AHCYL2: variants seen among roughly 807,000 people sequenced by gnomAD.
AHCYL2 encodes the protein adenosylhomocysteinase like 2.
A neutral mutation model predicts 81.4 loss-of-function variants in AHCYL2; 28 were observed. That is an observed-to-expected ratio of 0.34 (90% CI 0.25 to 0.47). The LOEUF (loss-of-function observed/expected upper bound fraction) is 0.47, where lower values mean the gene tolerates loss of function less well. Ranked by LOEUF, AHCYL2 falls within the 20% of genes least tolerant of loss-of-function variation. The pLI, the probability that AHCYL2 is intolerant of heterozygous loss-of-function variation, is 1.00. For synonymous variants in AHCYL2, 272 were observed against 290.2 expected (o/e 0.94, Z 0.64); for missense variants, 551 against 785.1 (o/e 0.70, Z 3.56).
chr7:129,314,399 A>G (rs1797763871), intron 1 of AHCYL2, among the ~76,000 whole-genome samples: 2 of 152,212 alleles, frequency 1.3e-5, no homozygotes, highest in South Asian at 4.1e-4. Context: ...TGCCTAGCAC[A>G]TTGTCTTAGC....
At position 129,402,082 on chromosome 7, in the gene AHCYL2, CAG is replaced by C. The variant is rs1796064994; in HGVS notation, c.919-1294_919-1293del. 2.6e-5 allele frequency among the ~76,000 whole-genome samples: 4 copies of C among 152,316 alleles called. No homozygotes were observed. In the South Asian group the frequency reaches 8.3e-4, roughly 32 times the overall value. On this transcript the variant is annotated intron_variant, in intron 6 of 16. Transcript: ENST00000325006. ...GATAAGAATAGTGAAACTTACAACA[CAG>C]AGTTTCCAGTTGTTCAATCTCTCTT...
chr7:129,397,141 A>G lies in AHCYL2; in HGVS notation c.721-81A>G, dbSNP rs1795783499. On this transcript the variant is annotated intron_variant, in intron 4 of 16. Transcript: ENST00000325006. ...TAAGTCATTCCCGTTGTATTTTCTG[A>G]TTGTAAAATATATAAACTTTATCTC... 6.5e-6 allele frequency: 8 copies of G among 1,221,914 alleles called. No homozygotes were observed. The Admixed American group carries it at 1.4e-4, about 21-fold the overall frequency. The allele number at this position is 1,221,914 out of a possible 1,614,324, so 75.7% of individuals were successfully genotyped here. A position where few individuals can be genotyped will look rare whatever the true frequency, so the allele number is the denominator to read the frequency against.
rs1008814819 is a variant in AHCYL2, at chr7:129,428,759, A to G, written c.*1714A>G. The G allele has an allele frequency of 6.6e-6, 1 of 152,260 alleles. No homozygotes were observed. Among genetic ancestry groups the G allele is most frequent in the Non-Finnish European group, 1.5e-5 (1 of 68,062 alleles). 9.4% of individuals were successfully genotyped at this position (152,260 alleles called of 1,614,324 possible). A position where few individuals can be genotyped will look rare whatever the true frequency, so the allele number is the denominator to read the frequency against. On this transcript the variant is annotated 3_prime_UTR_variant, in exon 17 of 17. Coordinates refer to ENST00000325006, the MANE Select transcript of AHCYL2 (RefSeq NM_015328.4). Reference sequence around the variant, plus strand: ...GGAAGTAGGGAAGTGGAACTTTGGTAAATGACTGTTTGCCTCATTTAATAG... The same window carrying G: ...GGAAGTAGGGAAGTGGAACTTTGGTGAATGACTGTTTGCCTCATTTAATAG...
chr7:129,422,749 C>T (rs1797172952), intron 12 of AHCYL2, 91 bp from the exon 13 acceptor site: 2 of 1,123,652 alleles, frequency 1.8e-6, no homozygotes, highest in South Asian at 2.8e-5. Context: ...CTCCTTTCAA[C>T]CTGCTATTTG....
chr7:129,390,435 T>C (rs1795412507), intron 4 of AHCYL2, among the ~76,000 whole-genome samples: 1 of 152,118 alleles, frequency 6.6e-6, no homozygotes, highest in Admixed American at 6.5e-5. Flanking sequence ...CAGCTATAAA[T>C]TCAGCACAGT....
At chr7:129,390,812 C>T (rs1164381895) in intron 4 of AHCYL2, among the ~76,000 whole-genome samples, 1 of 152,168 alleles carries the variant, frequency 6.6e-6, no homozygotes, top group African/African-American at 2.4e-5. Context: ...ACCAGTCCTA[C>T]CGAGGGGCGT....
At chr7:129,283,771 A>G (rs1796531156) in intron 1 of AHCYL2, among the ~76,000 whole-genome samples, 1 of 152,158 alleles carries the variant, frequency 6.6e-6, no homozygotes, top group Non-Finnish European at 1.5e-5. Context: ...ACTCAGCATC[A>G]CTATCTTTTT....
At position 129,236,075 on chromosome 7, in the gene AHCYL2, G is replaced by A. The variant is rs979690271; in HGVS notation, c.363+10636G>A. On this transcript the variant is annotated intron_variant, in intron 1 of 16. Coordinates refer to ENST00000325006, the MANE Select transcript of AHCYL2 (RefSeq NM_015328.4). ...GAGACTCTGTCACCTGGGCTGGAGT[G>A]CAATGGCACGGTCTCAGCTCACTGC... is the stretch of plus-strand genomic sequence containing the variant. 2.7e-5 allele frequency among the ~76,000 whole-genome samples: 4 copies of A among 148,722 alleles called. No homozygotes were observed. The South Asian group carries it at 6.4e-4, about 24-fold the overall frequency.
intron 2 of AHCYL2, among the ~76,000 whole-genome samples, chr7:129,380,741 G>A (rs1032241089): frequency 3.8e-4 from 57 of 151,808 alleles, no homozygotes; most frequent in African/African-American, 1.3e-3. Context: ...CCTTTTTTGT[G>A]GGGTAGCACA....
At chr7:129,230,729 C>T (rs148665157) in intron 1 of AHCYL2, among the ~76,000 whole-genome samples, 508 of 151,876 alleles carry the variant, frequency 3.3e-3, no homozygotes, top group African/African-American at 0.012. Flanking sequence ...CACGCCACCA[C>T]GCCTGGCTAA....
intron 1 of AHCYL2, among the ~76,000 whole-genome samples, chr7:129,256,469 T>G (rs1284855624): frequency 2.0e-5 from 3 of 151,738 alleles, no homozygotes; most frequent in Admixed American, 6.6e-5. Flanking sequence ...CTTATATCCT[T>G]TTGAAAATAT....
intron 12 of AHCYL2, among the ~76,000 whole-genome samples, chr7:129,418,976 T>G (rs1210572237): frequency 6.6e-6 from 1 of 152,220 alleles, no homozygotes; most frequent in Non-Finnish European, 1.5e-5. Context: ...GTCAACTCAG[T>G]GAAACTGTGG....
chr7:129,282,896 A>T (rs1473984029), intron 1 of AHCYL2, among the ~76,000 whole-genome samples: 1 of 152,158 alleles, frequency 6.6e-6, no homozygotes, highest in Non-Finnish European at 1.5e-5. Context: ...GTGGGGCCAG[A>T]GCAGTTTTCC....
intron 1 of AHCYL2, among the ~76,000 whole-genome samples, chr7:129,378,649 CT>C (rs1043975319): frequency 2.6e-5 from 4 of 152,278 alleles, no homozygotes; most frequent in African/African-American, 9.6e-5. Flanking sequence ...AATGAAAAGG[CT>C]TTTTAAAAAT....
chr7:129,277,130 A>G (rs893170798), intron 1 of AHCYL2, among the ~76,000 whole-genome samples: 1 of 152,184 alleles, frequency 6.6e-6, no homozygotes, highest in African/African-American at 2.4e-5. Flanking sequence ...AATTTTTACA[A>G]TAGTTTTATA....
chr7:129,283,060 C>T (rs1223370179), intron 1 of AHCYL2, among the ~76,000 whole-genome samples: 1 of 152,136 alleles, frequency 6.6e-6, no homozygotes, highest in East Asian at 1.9e-4. Context: ...GTAGTTCCTA[C>T]ATGCACTCAC....
At chr7:129,342,351 C>T (rs139682161) in intron 1 of AHCYL2, among the ~76,000 whole-genome samples, 2 of 152,182 alleles carry the variant, frequency 1.3e-5, no homozygotes, top group East Asian at 1.9e-4. Flanking sequence ...AGTTTTGATC[C>T]TAAGTGACCA....
Position 129,264,443 on chromosome 7 carries a change from A to G in AHCYL2, c.363+39004A>G, listed in dbSNP as rs547951668. Among the ~76,000 whole-genome samples, 15 of 152,360 alleles carry G rather than the reference A, an allele frequency of 9.8e-5. No homozygotes were observed. The East Asian group carries it at 2.7e-3, about 27-fold the overall frequency. ...GGATGTAAAGAGTGTTATTAAAATG[A>G]TGGTTCATGGAATGTAAGGGTAAGA... On this transcript the variant is annotated intron_variant, in intron 1 of 16. Coordinates refer to ENST00000325006, the MANE Select transcript of AHCYL2 (RefSeq NM_015328.4).
intron 1 of AHCYL2, among the ~76,000 whole-genome samples, chr7:129,342,876 C>G (rs1002481692): frequency 6.6e-6 from 1 of 152,128 alleles, no homozygotes; most frequent in Non-Finnish European, 1.5e-5. Context: ...TTATGTGTTA[C>G]AAGTATATAT....
Sources: gnomAD v4.1 joint callset for allele counts (sites outside exome capture counted in the v4.1 genomes callset) on GRCh38, gnomAD v4.1.1 for gene constraint, MANE v1.5 for transcripts, NCBI Gene and HGNC (gene_info 2026-07-23, HGNC 2026-07-21) for gene names.